FHIP2B: variants seen among roughly 807,000 people sequenced by gnomAD.
FHIP2B encodes FHF complex subunit HOOK interacting protein 2B, also known as FHF complex subunit HOOK-interacting protein 2B.
In FHIP2B, 72 loss-of-function variants were observed where a neutral mutation model predicts 84.0. That is an observed-to-expected ratio of 0.86 (90% CI 0.71 to 1.04). The LOEUF is 1.04. Ranked by LOEUF, FHIP2B falls within the 50% of genes least tolerant of loss-of-function variation. The pLI, the probability that FHIP2B is intolerant of heterozygous loss-of-function variation, is 0.00. For missense variants in FHIP2B, 972 were observed against 968.9 expected (o/e 1.00, Z -0.04); for synonymous variants, 497 against 418.7 (o/e 1.19, Z -2.28).
Position 22,102,636 on chromosome 8 carries a change from C to T in FHIP2B, c.2093+8C>T. On this transcript the variant is annotated splice_region_variant and intron_variant, in intron 16 of 16. Transcript: ENST00000289921. ...CCAGGCTCCTGGGGAGCAGTGAGTA[C>T]CAAGGGTGCCAGGTGAAGCCTTGGG... The T allele has an allele frequency of 6.4e-7, 1 of 1,562,900 alleles. No homozygotes were observed. Among genetic ancestry groups the T allele is most frequent in the Non-Finnish European group, 8.7e-7 (1 of 1,153,968 alleles).
At chr8:22,098,021 G>T in intron 5 of FHIP2B, 47 bp from the exon 6 acceptor site, 1 of 1,543,920 alleles carries the variant, frequency 6.5e-7, no homozygotes, top group East Asian at 2.3e-5. Context: ...GGGGGACCCT[G>T]GGAAGTGGTC....
chr8:22,089,172 C>T lies in FHIP2B; in HGVS notation c.-82C>T. ...CCCGCCCCCCTCGTCGCGCCGGGGC[C>T]GCCGGGGCCACGGGGCTGCCTCCTC... is the stretch of plus-strand genomic sequence containing the variant. On this transcript the variant is annotated 5_prime_UTR_variant, in exon 1 of 17. Coordinates refer to ENST00000289921, the MANE Select transcript of FHIP2B (RefSeq NM_022749.7). The T allele has an allele frequency of 3.2e-6, 3 of 925,980 alleles. No individual in the cohort carries two copies. Among genetic ancestry groups the T allele is most frequent in the Non-Finnish European group, 3.9e-6 (3 of 761,314 alleles). 57.4% of individuals were successfully genotyped at this position (925,980 alleles called of 1,614,324 possible). A position where few individuals can be genotyped will look rare whatever the true frequency, so the allele number is the denominator to read the frequency against.
At chr8:22,090,221 C>G (rs1381344247) in intron 1 of FHIP2B, among the ~76,000 whole-genome samples, 1 of 151,808 alleles carries the variant, frequency 6.6e-6, no homozygotes, top group East Asian at 1.9e-4. Context: ...AATACTTCTG[C>G]CTCCTAGTAT....
intron 10 of FHIP2B, 147 bp from the exon 11 acceptor site, chr8:22,100,447 C>A: frequency 1.2e-6 from 1 of 840,762 alleles, no homozygotes; most frequent in South Asian, 3.5e-5. Context: ...CACCCCCCAA[C>A]TACCCCCAAA....
At chr8:22,089,401 G>A (rs1389019584) in intron 1 of FHIP2B, 103 bp downstream of exon 1, 51 of 636,202 alleles carry the variant, frequency 8.0e-5, no homozygotes, top group Non-Finnish European at 9.9e-5. Context: ...GGGCGGGCGC[G>A]GGCCCCCTCG....
chr8:22,098,499 A>T lies in FHIP2B; in HGVS notation c.845A>T (p.Tyr282Phe), dbSNP rs771623816. ...VSMASPAAAT[Y>F]LVQSSACCPA... ...ATGGCCTCCCCAGCAGCTGCCACCT[A>T]CCTGGTACAGAGCAGCGCCTGCTGC... The change falls in exon 7 of 17, where the codon TAC becomes TTC. Residue 282 changes from tyrosine (Y) to phenylalanine (F), a missense_variant. Tyr to Phe is a conservative substitution (Grantham distance 22). Coordinates refer to ENST00000289921, the MANE Select transcript of FHIP2B (RefSeq NM_022749.7). 5.6e-6 allele frequency: 9 copies of T among 1,613,166 alleles called. No homozygotes were observed. The highest frequency in any genetic ancestry group is 6.8e-6 in the Non-Finnish European group (8 of 1,179,746).
Position 22,089,223 on chromosome 8 carries a change from T to A in FHIP2B, c.-31T>A. On this transcript the variant is annotated 5_prime_UTR_variant, in exon 1 of 17. Coordinates refer to ENST00000289921, the MANE Select transcript of FHIP2B (RefSeq NM_022749.7). ...CGCCTAGAGCGCTGCCGCCGCCGCT[T>A]TCGCCCGGGAGCCGGGGGCCGGGCG... The A allele has an allele frequency of 9.4e-7, 1 of 1,058,674 alleles. No homozygotes were observed. 65.6% of individuals were successfully genotyped at this position (1,058,674 alleles called of 1,614,324 possible).
chr8:22,102,888 A>T lies in FHIP2B; in HGVS notation c.2189A>T (p.Asp730Val). Residue 730 changes from aspartate to valine, a missense_variant, in exon 17 of 17, where the codon GAT becomes GTT. Coordinates refer to ENST00000289921, the MANE Select transcript of FHIP2B (RefSeq NM_022749.7). The part of the protein sequence containing the change: ...AIAFVKFPPH[D>V]PRQNVSPAPE... ...GCCTTCGTCAAGTTTCCCCCACATG[A>T]TCCTCGCCAGAACGTCTCCCCAGCC... is the stretch of plus-strand genomic sequence containing the variant. The T allele has an allele frequency of 6.2e-7, 1 of 1,613,486 alleles. No individual in the cohort carries two copies.
chr8:22,090,170 G>A (rs1054702202), intron 1 of FHIP2B, among the ~76,000 whole-genome samples: 8 of 146,782 alleles, frequency 5.5e-5, no homozygotes, highest in African/African-American at 2.0e-4. Flanking sequence ...GGTGCCCGCT[G>A]TTGAAAGTAA....
rs556244221 is a variant in FHIP2B, at chr8:22,091,407, C to CTAAT, written c.45+2110_45+2113dup. ...TACAGGGCTGCGCCACCACGCCCAGCTAATATTTGTAATTTTAGTAGAGAT... is the reference window on the plus strand; with the variant it reads ...TACAGGGCTGCGCCACCACGCCCAGCTAATTAATATTTGTAATTTTAGTAGAGAT... On this transcript the variant is annotated intron_variant, in intron 1 of 16. Transcript: ENST00000289921. Among the ~76,000 whole-genome samples the CTAAT allele has an allele frequency of 6.2e-3, 950 of 152,256 alleles. 5 individuals carry two copies. Among genetic ancestry groups the CTAAT allele is most frequent in the Admixed American group, 9.7e-3 (148 of 15,294 alleles).
At chr8:22,092,510 G>A (rs549267040) in intron 1 of FHIP2B, among the ~76,000 whole-genome samples, 5 of 149,262 alleles carry the variant, frequency 3.3e-5, no homozygotes, top group African/African-American at 1.2e-4. Flanking sequence ...GGAAGCGGAG[G>A]TTACAGTGAG....
Position 22,098,491 on chromosome 8 carries a change from TGCCACCTACCTG to T in FHIP2B, c.839_850del (p.Ala280_Leu283del). ...TGGTGAGCATGGCCTCCCCAGCAGC[TGCCACCTACCTG>T]GTACAGAGCAGCGCCTGCTGCCCTG... On this transcript the variant is annotated inframe_deletion, in exon 7 of 17. Coordinates refer to ENST00000289921, the MANE Select transcript of FHIP2B (RefSeq NM_022749.7). 6.2e-7 allele frequency: 1 copy of T among 1,613,132 alleles called. No homozygotes were observed. Among genetic ancestry groups the T allele is most frequent in the African/African-American group, 1.3e-5 (1 of 75,016 alleles).
intron 1 of FHIP2B, among the ~76,000 whole-genome samples, chr8:22,092,352 G>T (rs1825535215): frequency 6.6e-6 from 1 of 152,258 alleles, no homozygotes; most frequent in Middle Eastern, 3.4e-3. Flanking sequence ...GGCCCAGGTG[G>T]GCGGACCACT....
intron 3 of FHIP2B, 43 bp from the exon 4 acceptor site, chr8:22,097,473 G>A (rs376730361): frequency 6.5e-7 from 1 of 1,527,318 alleles, no homozygotes; most frequent in African/African-American, 1.4e-5. Flanking sequence ...CATGCGGCAG[G>A]CAGGGGACAC....
chr8:22,093,432 G>C (rs764246622), intron 1 of FHIP2B, among the ~76,000 whole-genome samples: 3 of 152,048 alleles, frequency 2.0e-5, no homozygotes, highest in Non-Finnish European at 4.4e-5. Flanking sequence ...ATGGAAAAGG[G>C]GGAGGTTAGG....
At chr8:22,102,342 G>A (rs757205172) in intron 15 of FHIP2B, 27 bp downstream of exon 15, 6 of 1,609,702 alleles carry the variant, frequency 3.7e-6, no homozygotes, top group Non-Finnish European at 5.1e-6. Context: ...CCAAGGGAGT[G>A]TGCCTAGTGA....
At chr8:22,094,354 T>G in intron 1 of FHIP2B, 86 bp from the exon 2 acceptor site, 1 of 1,384,384 alleles carries the variant, frequency 7.2e-7, no homozygotes, top group Non-Finnish European at 9.6e-7. Flanking sequence ...AGCATGAACC[T>G]GACACTCAGA....
rs182490974 is a variant in FHIP2B at position 22,097,532 on chromosome 8, G to A, written c.314G>A (p.Arg105Gln). The A allele has an allele frequency of 7.4e-5, 119 of 1,607,504 alleles. No homozygotes were observed. The East Asian group carries it at 2.1e-3, about 28-fold the overall frequency. The change falls in exon 4 of 17, where the codon CGG becomes CAG. Residue 105 changes from arginine (R) to glutamine (Q), a missense_variant. Arg to Gln is a conservative substitution (Grantham distance 43). Coordinates refer to ENST00000289921, the MANE Select transcript of FHIP2B (RefSeq NM_022749.7). ...LGKAEYPPGM[R>Q]QQVFQFFSKV... Reference sequence around the variant, plus strand: ...TGGCCTCAGTACCCCCCAGGCATGCGGCAGCAGGTGTTCCAGTTCTTCAGC... The same window carrying A: ...TGGCCTCAGTACCCCCCAGGCATGCAGCAGCAGGTGTTCCAGTTCTTCAGC...
chr8:22,089,217 G>A lies in FHIP2B; in HGVS notation c.-37G>A, dbSNP rs1307112395. 2.8e-6 allele frequency: 3 copies of A among 1,057,338 alleles called. No homozygotes were observed. The highest frequency in any genetic ancestry group is 6.9e-5 in the East Asian group (1 of 14,482). 65.5% of individuals were successfully genotyped at this position (1,057,338 alleles called of 1,614,324 possible). On this transcript the variant is annotated 5_prime_UTR_variant, in exon 1 of 17. Transcript: ENST00000289921. ...CTCCTCCGCCTAGAGCGCTGCCGCCGCCGCTTTCGCCCGGGAGCCGGGGGC... is the reference window on the plus strand; with the variant it reads ...CTCCTCCGCCTAGAGCGCTGCCGCCACCGCTTTCGCCCGGGAGCCGGGGGC...
Sources: allele counts gnomAD v4.1 joint callset (sites outside exome capture counted in the v4.1 genomes callset), GRCh38; gene constraint gnomAD v4.1.1; transcripts MANE v1.5; gene names NCBI Gene and HGNC (gene_info 2026-07-23, HGNC 2026-07-21).